MAPKAP1: variants seen among roughly 807,000 people sequenced by gnomAD.
The protein encoded by MAPKAP1 is target of rapamycin complex 2 subunit MAPKAP1.
A neutral mutation model predicts 65.7 loss-of-function variants in MAPKAP1; 20 were observed. That is an observed-to-expected ratio of 0.30 (90% confidence interval 0.21 to 0.44). The LOEUF is 0.44. Ranked by LOEUF, MAPKAP1 falls within the 20% of genes least tolerant of loss-of-function variation. The pLI, the probability that MAPKAP1 is intolerant of heterozygous loss-of-function variation, is 1.00. For missense variants in MAPKAP1, 423 were observed against 648.0 expected (o/e 0.65, Z 3.77); for synonymous variants, 222 against 244.3 (o/e 0.91, Z 0.85).
intron 4 of MAPKAP1, among the ~76,000 whole-genome samples, chr9:125,594,848 G>A (rs1832079146): frequency 6.6e-6 from 1 of 152,048 alleles, no homozygotes; most frequent in East Asian, 1.9e-4. Context: ...TTTCAGAATG[G>A]ACCCACCGGA....
intron 6 of MAPKAP1, among the ~76,000 whole-genome samples, chr9:125,557,257 G>C (rs1830763050): frequency 6.6e-6 from 1 of 152,186 alleles, no homozygotes; most frequent in South Asian, 2.1e-4. Context: ...TGAAAACTCA[G>C]TGATTTAAAG....
intron 1 of MAPKAP1, among the ~76,000 whole-genome samples, chr9:125,701,306 AT>A (rs1468199567): frequency 2.0e-5 from 3 of 152,234 alleles, no homozygotes; most frequent in African/African-American, 4.8e-5. Flanking sequence ...TAATAAAAGT[AT>A]ATTAGTAAAA....
intron 1 of MAPKAP1, among the ~76,000 whole-genome samples, chr9:125,691,514 G>A (rs1180646198): frequency 6.6e-6 from 1 of 152,176 alleles, no homozygotes; most frequent in African/African-American, 2.4e-5. Flanking sequence ...GAGCCCAGGA[G>A]AAAGGTCTGA....
At chr9:125,661,135 T>G (rs947794830) in intron 3 of MAPKAP1, among the ~76,000 whole-genome samples, 1 of 152,090 alleles carries the variant, frequency 6.6e-6, no homozygotes, top group African/African-American at 2.4e-5. Flanking sequence ...TCAACCACAT[T>G]CATAAGAGAT....
In MAPKAP1 at chr9:125,590,263, G is replaced by A. The variant is rs574930038; in HGVS notation, c.499-4536C>T. On this transcript the variant is annotated intron_variant, in intron 4 of 11. Transcript: ENST00000265960. ...AGAAAGGGCGTCTGTGTTGAAATTC[G>A]ACCCATTTCTATTACTCAAGCTTAC... Among the ~76,000 whole-genome samples the A allele has an allele frequency of 7.2e-5, 11 of 152,242 alleles. No homozygotes were observed. In the East Asian group the frequency reaches 1.7e-3, roughly 24 times the overall value.
At chr9:125,522,592 C>T (rs192219400) in intron 7 of MAPKAP1, among the ~76,000 whole-genome samples, 2 of 152,208 alleles carry the variant, frequency 1.3e-5, no homozygotes, top group Non-Finnish European at 2.9e-5. Context: ...ATCTCCCTTG[C>T]ATTCCTTCTC....
chr9:125,455,480 C>G (rs1017616313), intron 10 of MAPKAP1, among the ~76,000 whole-genome samples: 1 of 152,124 alleles, frequency 6.6e-6, no homozygotes, highest in African/African-American at 2.4e-5. Flanking sequence ...ACTGAGGATA[C>G]TTTGTAGATA....
At chr9:125,552,115 T>C (rs521119) in intron 6 of MAPKAP1, among the ~76,000 whole-genome samples, 78,487 of 152,064 alleles carry the variant, frequency 0.52, 20,996 homozygotes, top group East Asian at 0.67. Flanking sequence ...GTCAGCAAGT[T>C]AGGGATTCCC....
intron 4 of MAPKAP1, among the ~76,000 whole-genome samples, chr9:125,624,314 C>T (rs1833016802): frequency 4.0e-5 from 1 of 25,290 alleles, no homozygotes; most frequent in Non-Finnish European, 1.3e-4. Flanking sequence ...CCCGGCCAGC[C>T]GCCCCGTCCG....
At chr9:125,636,187 G>C (rs1483201235) in intron 4 of MAPKAP1, among the ~76,000 whole-genome samples, 1 of 152,158 alleles carries the variant, frequency 6.6e-6, no homozygotes, top group Non-Finnish European at 1.5e-5. Context: ...AAAAAAGGAG[G>C]CTGGTTCTAA....
At chr9:125,535,726 A>ATCAATCAATAT (rs1188208771) in intron 7 of MAPKAP1, among the ~76,000 whole-genome samples, 1 of 152,222 alleles carries the variant, frequency 6.6e-6, no homozygotes, top group Non-Finnish European at 1.5e-5. Flanking sequence ...ATCAGGATGC[A>ATCAATCAATAT]GTTTACAATC....
intron 7 of MAPKAP1, chr9:125,521,505 G>A: frequency 7.8e-7 from 1 of 1,285,918 alleles, no homozygotes; most frequent in African/African-American, 1.5e-5. Flanking sequence ...TTAAACAATT[G>A]TAAAATAGTT....
At chr9:125,548,528 C>T (rs5016056) in intron 6 of MAPKAP1, among the ~76,000 whole-genome samples, 40,641 of 152,064 alleles carry the variant, frequency 0.27, 6,578 homozygotes, top group Non-Finnish European at 0.36. Flanking sequence ...TCTGCTTTCA[C>T]GGATAACAAC....
At chr9:125,622,279 C>T (rs79256587) in intron 4 of MAPKAP1, among the ~76,000 whole-genome samples, 3,632 of 151,988 alleles carry the variant, frequency 0.024, 170 homozygotes, top group East Asian at 0.15. Context: ...TACATTGTTG[C>T]ATATTTTCAA....
intron 5 of MAPKAP1, among the ~76,000 whole-genome samples, chr9:125,576,906 A>T: frequency 6.6e-6 from 1 of 151,500 alleles, no homozygotes; most frequent in African/African-American, 2.4e-5. Flanking sequence ...TGGCCTCCCA[A>T]AGTGCCGAGA....
At chr9:125,483,657 C>T (rs1236791602) in intron 9 of MAPKAP1, among the ~76,000 whole-genome samples, 1 of 152,130 alleles carries the variant, frequency 6.6e-6, no homozygotes, top group South Asian at 2.1e-4. Context: ...AGCAGGTGCA[C>T]TTGAGTTGGT....
At chr9:125,608,562 G>A (rs1040105109) in intron 4 of MAPKAP1, among the ~76,000 whole-genome samples, 2 of 152,236 alleles carry the variant, frequency 1.3e-5, no homozygotes, top group African/African-American at 4.8e-5. Flanking sequence ...TTTGTACTAA[G>A]TTGGGAAAGT....
intron 4 of MAPKAP1, chr9:125,596,533 G>A: frequency 1.4e-6 from 1 of 716,854 alleles, no homozygotes; most frequent in Non-Finnish European, 2.6e-6. Flanking sequence ...TGGCAGCTAT[G>A]GTGGTGGAAG....
chr9:125,610,324 A>C lies in MAPKAP1; in HGVS notation c.499-24597T>G, dbSNP rs186604702. ...ACCAACCCTCAAACAGAAAACAGTT[A>C]AACATATTTATGAAATATAAAAAGA... On this transcript the variant is annotated intron_variant, in intron 4 of 11. Coordinates refer to ENST00000265960, the MANE Select transcript of MAPKAP1 (RefSeq NM_001006617.3). 9.2e-5 allele frequency among the ~76,000 whole-genome samples: 14 copies of C among 152,372 alleles called. No individual in the cohort carries two copies. The East Asian group carries it at 2.7e-3, about 29-fold the overall frequency.
Sources: allele counts gnomAD v4.1 joint callset (sites outside exome capture counted in the v4.1 genomes callset), GRCh38; gene constraint gnomAD v4.1.1; transcripts MANE v1.5; gene names NCBI Gene and HGNC (gene_info 2026-07-23, HGNC 2026-07-21).